The following OCA2 variants were observed in gnomAD, a reference collection of about 807,000 sequenced individuals.
OCA2 encodes OCA2 melanosomal transmembrane protein, also known as P protein.
Under a neutral mutation model 100.2 loss-of-function variants are expected in OCA2, and 77 were observed. The observed-to-expected ratio is 0.77, with a 90% CI of 0.64 to 0.93. The LOEUF (loss-of-function observed/expected upper bound fraction) is 0.93. OCA2 is among the 40% of genes least tolerant of loss of function. OCA2 has a pLI of 0.00. For missense variants in OCA2, 1,062 were observed against 1,089.1 expected, an observed-to-expected ratio of 0.98 and a Z score of 0.35; for synonymous variants, 432 against 439.2, an observed-to-expected ratio of 0.98 and a Z score of 0.21.
intron 2 of OCA2, among the ~76,000 whole-genome samples, chr15:28,063,323 C>T (rs77860444): frequency 0.013 from 2,053 of 152,130 alleles, 38 homozygotes; most frequent in African/African-American, 0.047. Context: ...TGTTTCTTGG[C>T]GATAGCATAC....
chr15:27,728,392 C>A, the OCA2 span, among the ~76,000 whole-genome samples: 5 of 149,980 alleles, frequency 3.3e-5, no homozygotes, highest in Non-Finnish European at 7.4e-5. Flanking sequence ...AATCATCTTA[C>A]CCCCTTTTTT....
At chr15:27,838,812 G>C (rs2035244788) in intron 23 of OCA2, among the ~76,000 whole-genome samples, 1 of 152,182 alleles carries the variant, frequency 6.6e-6, no homozygotes. Flanking sequence ...CAAATGTTAA[G>C]GATGTAGAAC....
At chr15:27,977,680 C>T (rs906309702) in intron 14 of OCA2, among the ~76,000 whole-genome samples, 7 of 152,186 alleles carry the variant, frequency 4.6e-5, no homozygotes, top group African/African-American at 1.7e-4. Flanking sequence ...AAAGCCCTAC[C>T]TCGCCCCCTC....
chr15:27,849,662 AGGATG>A (rs2035675682), intron 22 of OCA2, among the ~76,000 whole-genome samples: 1 of 152,138 alleles, frequency 6.6e-6, no homozygotes, highest in African/African-American at 2.4e-5. Flanking sequence ...CCAGCCCTGG[AGGATG>A]GGAAGTTGGT....
At chr15:27,755,552 C>T in intron 23 of OCA2, 80 bp from the exon 24 acceptor site, 1 of 1,109,444 alleles carries the variant, frequency 9.0e-7, no homozygotes, top group Non-Finnish European at 1.4e-6. Context: ...CTCATGAGAA[C>T]ATGGCCTTAG....
At chr15:28,051,410 A>G (rs1480001641) in intron 2 of OCA2, among the ~76,000 whole-genome samples, 3 of 152,034 alleles carry the variant, frequency 2.0e-5, no homozygotes, top group Non-Finnish European at 2.9e-5. Context: ...CTCCTGCCTC[A>G]GCTTCCCGAG....
chr15:27,984,574 T>TTG (rs2041281370), intron 13 of OCA2, among the ~76,000 whole-genome samples: 1 of 152,064 alleles, frequency 6.6e-6, no homozygotes, highest in Non-Finnish European at 1.5e-5. Context: ...GTTTGTTTGT[T>TTG]TTTTGAGACG....
chr15:27,843,809 T>A (rs1016677626), intron 23 of OCA2, among the ~76,000 whole-genome samples: 3 of 152,164 alleles, frequency 2.0e-5, no homozygotes. Flanking sequence ...GGTCCTCACC[T>A]GGGTATGATG....
At chr15:27,987,602 GCCTGTAGTCCCAGCTACT>G (rs1567197337) in intron 11 of OCA2, among the ~76,000 whole-genome samples, 3 of 151,364 alleles carry the variant, frequency 2.0e-5, no homozygotes, top group East Asian at 3.9e-4. Context: ...GGTGGCGGGC[GCCTGTAGTCCCAGCTACT>G]CAGGAGGCTG....
chr15:27,926,029 G>C, intron 19 of OCA2, 98 bp downstream of exon 19: 1 of 1,389,948 alleles, frequency 7.2e-7, no homozygotes, highest in Non-Finnish European at 1.0e-6. Context: ...AGAATATAAG[G>C]AAAGATTAAT....
chr15:27,892,136 A>C (rs1425076422), intron 19 of OCA2, among the ~76,000 whole-genome samples: 1 of 152,188 alleles, frequency 6.6e-6, no homozygotes, highest in Non-Finnish European at 1.5e-5. Flanking sequence ...TAAATAACTC[A>C]CCCTCAGAAA....
intron 8 of OCA2, 125 bp downstream of exon 8, chr15:28,015,979 C>T (rs1223056474): frequency 1.1e-5 from 8 of 756,644 alleles, no homozygotes; most frequent in East Asian, 7.6e-5. Context: ...AGCATGAGTG[C>T]CGTGTCCAAG....
At chr15:28,065,925 C>T (rs759994188) in intron 2 of OCA2, among the ~76,000 whole-genome samples, 1 of 152,030 alleles carries the variant, frequency 6.6e-6, no homozygotes, top group Non-Finnish European at 1.5e-5. Flanking sequence ...TTATTCATTA[C>T]TAACATATAA....
Position 27,758,342 on chromosome 15 carries a change from C to T in OCA2, c.2433-2870G>A, listed in dbSNP as rs372942746. On this transcript the variant is annotated intron_variant, in intron 23 of 23. Transcript: ENST00000354638. Reference sequence around the variant, plus strand: ...TAATAACCACTCCTGCCAAATTCCACGGGAAAAAAAATTAAGCTCCTTGGT... The same window carrying T: ...TAATAACCACTCCTGCCAAATTCCATGGGAAAAAAAATTAAGCTCCTTGGT... Among the ~76,000 whole-genome samples, 5 of 152,062 alleles carry T rather than the reference C, an allele frequency of 3.3e-5. No individual in the cohort carries two copies. The South Asian group carries it at 6.2e-4, about 19-fold the overall frequency.
At chr15:27,758,156 T>G (rs951445242) in intron 23 of OCA2, among the ~76,000 whole-genome samples, 3 of 151,926 alleles carry the variant, frequency 2.0e-5, no homozygotes, top group African/African-American at 7.3e-5. Flanking sequence ...GGCATGGAGG[T>G]GGGTTTCCTT....
At chr15:27,756,440 G>C (rs1188199832) in intron 23 of OCA2, among the ~76,000 whole-genome samples, 1 of 152,200 alleles carries the variant, frequency 6.6e-6, no homozygotes, top group East Asian at 1.9e-4. Context: ...TCAAGAAAGT[G>C]GTAGGATTCT....
At chr15:27,821,775 A>G (rs1441629874) in intron 23 of OCA2, among the ~76,000 whole-genome samples, 1 of 152,128 alleles carries the variant, frequency 6.6e-6, no homozygotes, top group Non-Finnish European at 1.5e-5. Context: ...ACATTTGTCT[A>G]TATGCACCCA....
chr15:27,898,529 C>A (rs2037801272), intron 19 of OCA2, among the ~76,000 whole-genome samples: 1 of 152,272 alleles, frequency 6.6e-6, no homozygotes, highest in Middle Eastern at 3.4e-3. Context: ...GTGAGGCCTC[C>A]CCAGACACAA....
chr15:27,944,337 G>A (rs903349613), intron 18 of OCA2, among the ~76,000 whole-genome samples: 4 of 152,186 alleles, frequency 2.6e-5, no homozygotes, highest in East Asian at 3.9e-4. Flanking sequence ...TTTGGCAGAC[G>A]TTTAGTTTAT....
Sources: gnomAD v4.1 joint callset for allele counts (sites outside exome capture counted in the v4.1 genomes callset) on GRCh38, gnomAD v4.1.1 for gene constraint, MANE v1.5 for transcripts, NCBI Gene and HGNC (gene_info 2026-07-23, HGNC 2026-07-21) for gene names.